The following NUMB variants were observed in gnomAD, a reference collection of about 807,000 sequenced individuals.
NUMB encodes protein numb homolog.
NUMB carries 29 observed loss-of-function variants against 59.7 expected under a neutral mutation model. The ratio of observed to expected loss-of-function variants is 0.49; its 90% CI spans 0.36 to 0.66. The LOEUF is 0.66. Among genes scored for constraint, NUMB ranks in the 30% least tolerant of loss-of-function variants. NUMB has a pLI of 0.00. For missense variants in NUMB, 723 were observed against 822.0 expected (o/e 0.88, Z 1.47); for synonymous variants, 288 against 288.2 (o/e 1.00, Z 0.01).
rs1376863240 is a variant in NUMB, at chr14:73,416,389, G to A, written c.-232-6321C>T. ...CAGTTAGAATAAGTTTAAAGGTTGT[G>A]GGGGCGCACTCCTATTCACTACTAG... On this transcript the variant is annotated intron_variant, in intron 1 of 12. Transcript: ENST00000555238. Among the ~76,000 whole-genome samples, 6 of 150,334 alleles carry A rather than the reference G, an allele frequency of 4.0e-5. 1 individual carries two copies. The highest frequency in any genetic ancestry group is 7.4e-5 in the Non-Finnish European group (5 of 67,770).
chr14:73,387,566 C>T (rs1339767809), intron 2 of NUMB, among the ~76,000 whole-genome samples: 1 of 151,908 alleles, frequency 6.6e-6, no homozygotes, highest in African/African-American at 2.4e-5. Context: ...TCTGGCACAA[C>T]TGTAAGTTTC....
chr14:73,297,077 G>GA (rs1889824328), intron 7 of NUMB, 134 bp downstream of exon 7: 1 of 557,276 alleles, frequency 1.8e-6, no homozygotes, highest in South Asian at 1.9e-5. Flanking sequence ...TGAGGCAGGA[G>GA]AATCGCTTGA....
chr14:73,387,282 C>T (rs1412597748), intron 2 of NUMB, among the ~76,000 whole-genome samples: 1 of 152,044 alleles, frequency 6.6e-6, no homozygotes, highest in East Asian at 1.9e-4. Flanking sequence ...GCGAAGGAAT[C>T]ATGGGGCGGT....
At chr14:73,375,615 C>T (rs1470029680) in intron 2 of NUMB, among the ~76,000 whole-genome samples, 2 of 152,112 alleles carry the variant, frequency 1.3e-5, no homozygotes, top group Admixed American at 1.3e-4. Flanking sequence ...ATTTGATCAG[C>T]ATGCCATGAA....
rs188915200 is a variant in NUMB, at chr14:73,405,138, A to G, written c.-101+4799T>C. Among the ~76,000 whole-genome samples, 211 of 152,340 alleles carry G rather than the reference A, an allele frequency of 1.4e-3. 2 individuals carry two copies. Among genetic ancestry groups the G allele is most frequent in the African/African-American group, 4.3e-3 (177 of 41,580 alleles). On this transcript the variant is annotated intron_variant, in intron 2 of 12. Coordinates refer to ENST00000555238, the MANE Select transcript of NUMB (RefSeq NM_001005743.2). ...ATCTCCCTTTATCTTCCAGTTAACT[A>G]TAACACTGGGATGGAATGCATGAAC...
At chr14:73,340,883 C>T (rs1322370087) in intron 4 of NUMB, among the ~76,000 whole-genome samples, 1 of 152,140 alleles carries the variant, frequency 6.6e-6, no homozygotes, top group Non-Finnish European at 1.5e-5. Context: ...TGGGAGGTGA[C>T]TGGATTATGG....
chr14:73,300,305 T>C (rs966063690), intron 6 of NUMB, among the ~76,000 whole-genome samples: 1 of 152,030 alleles, frequency 6.6e-6, no homozygotes, highest in African/African-American at 2.4e-5. Flanking sequence ...AATGGAGGGA[T>C]AAAGTGAGGC....
At chr14:73,364,060 T>C (rs1240304268) in intron 3 of NUMB, among the ~76,000 whole-genome samples, 1 of 152,152 alleles carries the variant, frequency 6.6e-6, no homozygotes, top group Non-Finnish European at 1.5e-5. Context: ...ATTCACCACA[T>C]TAACAGAATA....
chr14:73,304,924 CT>C (rs1890341932), intron 6 of NUMB, among the ~76,000 whole-genome samples: 1 of 152,022 alleles, frequency 6.6e-6, no homozygotes, highest in South Asian at 2.1e-4. Flanking sequence ...CCACGCCCAG[CT>C]ATGGCTAATT....
At chr14:73,377,988 T>TAC (rs1895040719) in intron 2 of NUMB, among the ~76,000 whole-genome samples, 2 of 105,996 alleles carry the variant, frequency 1.9e-5, no homozygotes, top group African/African-American at 8.8e-5. Context: ...GATATATATA[T>TAC]ACACATACAC....
intron 1 of NUMB, among the ~76,000 whole-genome samples, chr14:73,413,950 T>G (rs183002021): frequency 6.6e-6 from 1 of 151,472 alleles, no homozygotes. Flanking sequence ...ATCTCAAATG[T>G]TTTTTCTTTT....
intron 2 of NUMB, among the ~76,000 whole-genome samples, chr14:73,385,417 T>C (rs1163826350): frequency 6.7e-6 from 1 of 149,006 alleles, no homozygotes; most frequent in African/African-American, 2.5e-5. Context: ...CCTAGAATTA[T>C]AGGTGTGAGC....
At chr14:73,424,120 ACTCT>A (rs34105395) in intron 1 of NUMB, among the ~76,000 whole-genome samples, 2 of 151,904 alleles carry the variant, frequency 1.3e-5, no homozygotes, top group African/African-American at 4.8e-5. Context: ...AACCACAATT[ACTCT>A]CTCTCTATAT....
intron 6 of NUMB, among the ~76,000 whole-genome samples, chr14:73,304,860 A>C (rs912697402): frequency 6.6e-6 from 1 of 152,050 alleles, no homozygotes; most frequent in Non-Finnish European, 1.5e-5. Flanking sequence ...TCCTGCGTTC[A>C]AGCGATTCTC....
chr14:73,279,536 G>T, intron 11 of NUMB, 112 bp from the exon 12 acceptor site: 1 of 993,078 alleles, frequency 1.0e-6, no homozygotes. Flanking sequence ...ATGGATAAGA[G>T]AGAAGAGTTG....
Position 73,416,332 on chromosome 14 carries a change from CTTTT to C in NUMB, c.-232-6268_-232-6265del, listed in dbSNP as rs3028740. ...AGTAAATACTCTTACTTTTTCTTTT[CTTTT>C]TTTTTTTTTTTACTAGAATCACTAT... On this transcript the variant is annotated intron_variant, in intron 1 of 12. Transcript: ENST00000555238. Among the ~76,000 whole-genome samples the C allele has an allele frequency of 8.5e-5, 12 of 141,332 alleles. No homozygotes were observed. The South Asian group carries it at 2.7e-3, about 31-fold the overall frequency. The allele number at this position is 141,332 out of a possible 152,430, so 92.7% of individuals were successfully genotyped here.
chr14:73,457,053 A>G (rs1166396025), intron 1 of NUMB, among the ~76,000 whole-genome samples: 1 of 152,146 alleles, frequency 6.6e-6, no homozygotes, highest in Admixed American at 6.5e-5. Flanking sequence ...CATGAAAAAA[A>G]AAACACCACC....
At chr14:73,450,287 T>A (rs1314297625) in intron 1 of NUMB, among the ~76,000 whole-genome samples, 2 of 152,238 alleles carry the variant, frequency 1.3e-5, no homozygotes, top group East Asian at 3.8e-4. Context: ...AACTGCTCAA[T>A]TAGTAAATTA....
intron 6 of NUMB, chr14:73,299,256 A>G (rs578086539): frequency 5.3e-5 from 8 of 152,312 alleles, no homozygotes; most frequent in African/African-American, 1.7e-4. Flanking sequence ...AAGGCCTTCT[A>G]TTCCTGATAA....
Sources: allele counts gnomAD v4.1 joint callset (sites outside exome capture counted in the v4.1 genomes callset), GRCh38; gene constraint gnomAD v4.1.1; transcripts MANE v1.5; gene names NCBI Gene and HGNC (gene_info 2026-07-23, HGNC 2026-07-21).